Variants in ICE1 observed in about 807,000 individuals in gnomAD.
ICE1 encodes interactor of little elongation complex ELL subunit 1.
ICE1 carries 64 observed loss-of-function variants against 192.7 expected under a neutral mutation model. The ratio of observed to expected loss-of-function variants is 0.33; its 90% CI spans 0.27 to 0.41. The LOEUF (loss-of-function observed/expected upper bound fraction) is 0.41, where lower values mean the gene tolerates loss of function less well. ICE1 is among the 10% of genes least tolerant of loss of function. The pLI, the probability that ICE1 is intolerant of heterozygous loss-of-function variation, is 1.00. For synonymous variants in ICE1, 1,010 were observed against 984.5 expected (o/e 1.03, Z -0.49); for missense variants, 2,708 against 2,696.0 (o/e 1.00, Z -0.10).
Position 5,464,921 on chromosome 5 carries a change from A to G in ICE1, c.5587A>G (p.Thr1863Ala). 6.2e-7 allele frequency: 1 copy of G among 1,613,582 alleles called. No homozygotes were observed. The stretch of plus-strand genomic sequence containing the variant: ...CCCAGAACCAGAAACCAGGGGAGTC[A>G]CTGCAGAAGGAATCCACAAAAACCT... ...GSPEPETRGVTAEGIHKNLPG... is the reference protein window; with the variant it reads ...GSPEPETRGVAAEGIHKNLPG... Residue 1863 changes from threonine (T) to alanine (A), a missense_variant, in exon 13 of 19, where the codon ACT becomes GCT. Around this residue, in one of 2 missense-constraint regions of ICE1, gnomAD observed 2,366 missense variants for 2,276.6 expected, o/e 1.04. Transcript: ENST00000296564. This position sits in a 1 kb window ranked among gnomAD's most constrained non-coding sequence, Gnocchi z 4.0.
Position 5,489,401 on chromosome 5 carries a change from G to A in ICE1, c.*71G>A. The A allele has an allele frequency of 1.5e-6, 2 of 1,323,860 alleles. No individual in the cohort carries two copies. The highest frequency in any genetic ancestry group is 2.0e-6 in the Non-Finnish European group (2 of 978,594). The allele number at this position is 1,323,860 out of a possible 1,614,324, so 82.0% of individuals were successfully genotyped here. On this transcript the variant is annotated 3_prime_UTR_variant, in exon 19 of 19. Coordinates refer to ENST00000296564, the MANE Select transcript of ICE1 (RefSeq NM_015325.3). ...ACACAAATAGTTTGATCAGCTTTCA[G>A]AATACAAAGGGAGGTTTCAAAACAA... is the stretch of plus-strand genomic sequence containing the variant.
intron 1 of ICE1, among the ~76,000 whole-genome samples, chr5:5,424,606 G>T (rs1737468078): frequency 6.6e-6 from 1 of 152,222 alleles, no homozygotes; most frequent in African/African-American, 2.4e-5. Context: ...AGTTATGTTA[G>T]AGGGTAATGA....
intron 1 of ICE1, among the ~76,000 whole-genome samples, chr5:5,425,655 A>G (rs1043492525): frequency 6.6e-6 from 1 of 152,214 alleles, no homozygotes; most frequent in Non-Finnish European, 1.5e-5. Context: ...TTGAATGGTA[A>G]CCATCATAAA....
At chr5:5,482,696 G>C (rs1393197414) in intron 17 of ICE1, among the ~76,000 whole-genome samples, 1 of 151,972 alleles carries the variant, frequency 6.6e-6, no homozygotes, top group Non-Finnish European at 1.5e-5. Context: ...TGGGCTGAGG[G>C]CAAAGGGTGA....
intron 10 of ICE1, among the ~76,000 whole-genome samples, chr5:5,448,876 A>G (rs1475780374): frequency 2.6e-5 from 4 of 152,172 alleles, no homozygotes; most frequent in Non-Finnish European, 5.9e-5. Context: ...ATATGATTCC[A>G]TGTGCTTTTG....
intron 15 of ICE1, among the ~76,000 whole-genome samples, chr5:5,469,688 C>G (rs1169539583): frequency 6.6e-6 from 1 of 151,980 alleles, no homozygotes; most frequent in East Asian, 1.9e-4. Context: ...GCTGTTTTGC[C>G]TTTTTTTATT....
intron 10 of ICE1, among the ~76,000 whole-genome samples, chr5:5,453,353 C>T (rs72646677): frequency 3.3e-5 from 5 of 152,242 alleles, no homozygotes; most frequent in African/African-American, 1.2e-4. Context: ...CACACTTACC[C>T]GTGAACTGTC....
intron 17 of ICE1, among the ~76,000 whole-genome samples, chr5:5,485,849 A>G (rs1739625412): frequency 2.6e-5 from 4 of 152,230 alleles, no homozygotes; most frequent in Non-Finnish European, 1.5e-5. Flanking sequence ...CAAACTTTTA[A>G]TTTTGCTTAA....
chr5:5,437,001 G>A (rs1340382588), intron 2 of ICE1, 79 bp from the exon 3 acceptor site: 10 of 896,986 alleles, frequency 1.1e-5, no homozygotes, highest in Admixed American at 2.1e-5. Flanking sequence ...AGGGTGCCTT[G>A]CATGGATTGA....
intron 7 of ICE1, among the ~76,000 whole-genome samples, chr5:5,445,958 A>G (rs1394725764): frequency 6.6e-6 from 1 of 151,766 alleles, no homozygotes; most frequent in Non-Finnish European, 1.5e-5. Context: ...ACCTCAGGTG[A>G]TCCGCCTGCC....
intron 16 of ICE1, among the ~76,000 whole-genome samples, 189 bp downstream of exon 16, chr5:5,473,937 A>G (rs892106501): frequency 3.3e-5 from 5 of 152,114 alleles, no homozygotes; most frequent in Admixed American, 1.3e-4. Context: ...ACGGCCGGGC[A>G]TGGTGGCTCA....
At chr5:5,470,950 A>C (rs1292760722) in intron 15 of ICE1, among the ~76,000 whole-genome samples, 1 of 152,312 alleles carries the variant, frequency 6.6e-6, no homozygotes, top group Admixed American at 6.5e-5. Flanking sequence ...TAAATGTCTT[A>C]GTTGTTTAGC....
At position 5,485,015 on chromosome 5, in the gene ICE1, G is replaced by A. The variant is rs1221278003; in HGVS notation, c.6521-1706G>A. 2.6e-5 allele frequency among the ~76,000 whole-genome samples: 4 copies of A among 152,180 alleles called. No homozygotes were observed. In the South Asian group the frequency reaches 6.2e-4, roughly 24 times the overall value. ...CCATAGGAGAGCTCCTGGAGTAAGG[G>A]AAGGCTGCGAGTGTAGGGGAATGGG... On this transcript the variant is annotated intron_variant, in intron 17 of 18. Coordinates refer to ENST00000296564, the MANE Select transcript of ICE1 (RefSeq NM_015325.3).
intron 17 of ICE1, among the ~76,000 whole-genome samples, chr5:5,483,609 C>T (rs16875617): frequency 1.3e-5 from 2 of 152,192 alleles, no homozygotes; most frequent in Non-Finnish European, 2.9e-5. Flanking sequence ...TTAAGCCCTT[C>T]TCTGAGGCCA....
rs1016989048 is a variant in ICE1, at chr5:5,422,925, G to A, written c.10G>A (p.Gly4Ser). MMPGETHSAAPGTA... is the reference protein window; with the variant it reads MMPSETHSAAPGTA... ...GCCCGGCGGCGGCACCATGATGCCG[G>A]GCGAGACCCATTCGGCGGCGCCCGG... Residue 4 changes from glycine to serine, a missense_variant, in exon 1 of 19, where the codon GGC becomes AGC. Coordinates refer to ENST00000296564, the MANE Select transcript of ICE1 (RefSeq NM_015325.3). 1.4e-6 allele frequency: 2 copies of A among 1,442,706 alleles called. No individual in the cohort carries two copies. The highest frequency in any genetic ancestry group is 2.4e-5 in the Admixed American group (1 of 40,838). 89.4% of individuals were successfully genotyped at this position (1,442,706 alleles called of 1,614,324 possible). A position where few individuals can be genotyped will look rare whatever the true frequency, so the allele number is the denominator to read the frequency against.
intron 6 of ICE1, among the ~76,000 whole-genome samples, chr5:5,443,747 A>G (rs572984403): frequency 1.3e-5 from 2 of 152,328 alleles, no homozygotes; most frequent in East Asian, 3.9e-4. Flanking sequence ...TTCATACTAT[A>G]GTCATGTTAT....
intron 17 of ICE1, 59 bp downstream of exon 17, chr5:5,476,138 G>GA: frequency 1.2e-6 from 1 of 812,862 alleles, no homozygotes; most frequent in Non-Finnish European, 1.7e-6. Context: ...GTGGAAGGCT[G>GA]GGGGGTTAAC....
chr5:5,460,610 A>T lies in ICE1; in HGVS notation c.1276A>T (p.Ile426Phe). ...GGAAAAGCCCAAATCACATGAAGCTATCCAAGCTCTGAATACATGGGAAGT... is the reference window on the plus strand; with the variant it reads ...GGAAAAGCCCAAATCACATGAAGCTTTCCAAGCTCTGAATACATGGGAAGT... ...WEEKPKSHEA[I>F]QALNTWEVNK... Residue 426 changes from isoleucine to phenylalanine, a missense_variant, in exon 13 of 19, where the codon ATC becomes TTC. Coordinates refer to ENST00000296564, the MANE Select transcript of ICE1 (RefSeq NM_015325.3). 1 of 1,613,728 alleles carries T rather than the reference A, an allele frequency of 6.2e-7. No homozygotes were observed. The highest frequency in any genetic ancestry group is 1.3e-5 in the African/African-American group (1 of 75,066).
intron 17 of ICE1, among the ~76,000 whole-genome samples, chr5:5,481,432 G>T (rs1739502077): frequency 6.6e-6 from 1 of 152,132 alleles, no homozygotes; most frequent in Admixed American, 6.5e-5. Context: ...AGGGTCAGCT[G>T]TACCTGTGAT....
Sources: gnomAD v4.1 joint callset for allele counts (sites outside exome capture counted in the v4.1 genomes callset) on GRCh38, gnomAD v4.1.1 for gene constraint, gnomAD v4.1.1 regional missense constraint, Gnocchi (gnomAD v3.1) non-coding constraint, MANE v1.5 for transcripts, NCBI Gene and HGNC (gene_info 2026-07-23, HGNC 2026-07-21) for gene names.